Variants in SLC14A2 observed in about 807,000 individuals in gnomAD.
SLC14A2 encodes solute carrier family 14 member 2.
Under a neutral mutation model 104.6 loss-of-function variants are expected in SLC14A2, and 91 were observed. That is an observed-to-expected ratio of 0.87 (90% confidence interval 0.73 to 1.04). The LOEUF is 1.04. Ranked by LOEUF, SLC14A2 falls within the 50% of genes least tolerant of loss-of-function variation. The pLI is 0.00. For synonymous variants in SLC14A2, 476 were observed against 466.4 expected (o/e 1.02, Z -0.27); for missense variants, 1,189 against 1,156.0 (o/e 1.03, Z -0.41).
chr18:45,498,978 C>T (rs1197495156), intron 2 of SLC14A2, among the ~76,000 whole-genome samples: 1 of 152,228 alleles, frequency 6.6e-6, no homozygotes, highest in East Asian at 1.9e-4. Flanking sequence ...AGTTTTGTCA[C>T]TGTAACCATT....
chr18:45,603,164 A>G (rs1333520058), intron 2 of SLC14A2, among the ~76,000 whole-genome samples: 1 of 152,178 alleles, frequency 6.6e-6, no homozygotes, highest in Non-Finnish European at 1.5e-5. Context: ...CAAAGATTCC[A>G]TCAGAATGAC....
At chr18:45,624,563 C>A in intron 1 of SLC14A2, 68 bp from the exon 2 acceptor site, 2 of 1,244,876 alleles carry the variant, frequency 1.6e-6, no homozygotes, top group Admixed American at 2.2e-5. Context: ...AGGTCTGAGT[C>A]CAGCCTCAGC....
At chr18:45,467,322 C>T (rs1174488549) in intron 1 of SLC14A2, among the ~76,000 whole-genome samples, 1 of 152,230 alleles carries the variant, frequency 6.6e-6, no homozygotes, top group Non-Finnish European at 1.5e-5. Context: ...ACCCATCCCT[C>T]AATCCCCATT....
At chr18:45,540,631 G>A (rs2043871154) in intron 2 of SLC14A2, among the ~76,000 whole-genome samples, 1 of 152,096 alleles carries the variant, frequency 6.6e-6, no homozygotes, top group South Asian at 2.1e-4. Flanking sequence ...TATAATCCCA[G>A]CTACTCAGGA....
intron 1 of SLC14A2, among the ~76,000 whole-genome samples, chr18:45,471,034 C>G (rs879117397): frequency 6.6e-6 from 1 of 151,912 alleles, no homozygotes; most frequent in African/African-American, 2.4e-5. Flanking sequence ...CAACCCACCA[C>G]CAGTTCTTCT....
intron 10 of SLC14A2, among the ~76,000 whole-genome samples, chr18:45,649,413 A>T (rs898938540): frequency 6.6e-6 from 1 of 152,054 alleles, no homozygotes; most frequent in African/African-American, 2.4e-5. Flanking sequence ...ATCATTTTTA[A>T]TTCTTTCCCC....
chr18:45,245,022 A>T (rs768804656), intron 1 of SLC14A2, among the ~76,000 whole-genome samples: 1 of 152,196 alleles, frequency 6.6e-6, no homozygotes. Context: ...CTGGCTAAAT[A>T]CTTTATGCCA....
At chr18:45,276,368 C>G (rs1194168723) in intron 1 of SLC14A2, among the ~76,000 whole-genome samples, 4 of 152,102 alleles carry the variant, frequency 2.6e-5, no homozygotes, top group Non-Finnish European at 5.9e-5. Flanking sequence ...GTAAAGGGGA[C>G]ATAGAAGAGG....
intron 1 of SLC14A2, among the ~76,000 whole-genome samples, chr18:45,400,535 C>T (rs755348183): frequency 6.6e-6 from 1 of 152,230 alleles, no homozygotes; most frequent in African/African-American, 2.4e-5. Flanking sequence ...ACTTTCTCCA[C>T]TTATATTAAA....
the SLC14A2 span, among the ~76,000 whole-genome samples, chr18:45,188,066 G>A: frequency 6.6e-6 from 1 of 152,064 alleles, no homozygotes; most frequent in Admixed American, 6.6e-5. Context: ...CGGTTGGGAG[G>A]GTGTAATTTA....
chr18:45,399,281 T>C (rs1163529510), intron 1 of SLC14A2, among the ~76,000 whole-genome samples: 1 of 152,188 alleles, frequency 6.6e-6, no homozygotes, highest in Non-Finnish European at 1.5e-5. Flanking sequence ...CCTTGGACTT[T>C]AGGCAACTGG....
At chr18:45,626,806 A>AACCCCCCC in intron 3 of SLC14A2, 152 bp from the exon 4 acceptor site, 1 of 374,234 alleles carries the variant, frequency 2.7e-6, no homozygotes, top group Non-Finnish European at 5.1e-6. Flanking sequence ...CCTCCCCTCT[A>AACCCCCCC]CCCCCACCCC....
chr18:45,661,795 T>A (rs2045939894), intron 10 of SLC14A2, among the ~76,000 whole-genome samples: 1 of 152,216 alleles, frequency 6.6e-6, no homozygotes, highest in South Asian at 2.1e-4. Flanking sequence ...GATGCAATGA[T>A]ACCCCTCATC....
chr18:45,655,413 C>G (rs574969100), intron 10 of SLC14A2, among the ~76,000 whole-genome samples: 3 of 152,334 alleles, frequency 2.0e-5, no homozygotes, highest in East Asian at 1.9e-4. Flanking sequence ...CGGCCTCTAC[C>G]TACTATCACC....
chr18:45,173,549 G>A, the SLC14A2 span, among the ~76,000 whole-genome samples: 1 of 151,934 alleles, frequency 6.6e-6, no homozygotes, highest in Non-Finnish European at 1.5e-5. Context: ...AAAATAACCC[G>A]AGAGAAGTCA....
chr18:45,179,227 CCAAA>C, the SLC14A2 span, among the ~76,000 whole-genome samples: 1 of 152,150 alleles, frequency 6.6e-6, no homozygotes, highest in East Asian at 1.9e-4. Flanking sequence ...TCATAGCACA[CCAAA>C]CAATCTATTT....
intron 1 of SLC14A2, among the ~76,000 whole-genome samples, chr18:45,298,977 T>TAAA: frequency 6.8e-6 from 1 of 146,778 alleles, no homozygotes; most frequent in Admixed American, 6.8e-5. Flanking sequence ...ATTTAACTGT[T>TAAA]AAAAAAAAAA....
At chr18:45,558,879 C>T (rs1250701527) in intron 2 of SLC14A2, among the ~76,000 whole-genome samples, 1 of 152,150 alleles carries the variant, frequency 6.6e-6, no homozygotes, top group Non-Finnish European at 1.5e-5. Flanking sequence ...CAATCTCCGC[C>T]TCCTGGGTTC....
Position 45,648,195 on chromosome 18 carries a change from C to CTTTTTTTTTTTTTT in SLC14A2, c.1351+4050_1351+4063dup, listed in dbSNP as rs59843067. On this transcript the variant is annotated intron_variant, in intron 10 of 19. Transcript: ENST00000255226. Reference sequence around the variant, plus strand: ...GTTACCCTCTTTATTCTAGTTAATGCTTTTTTTTTTTTTTTTTTTTTTTTT... The same window carrying CTTTTTTTTTTTTTT: ...GTTACCCTCTTTATTCTAGTTAATGCTTTTTTTTTTTTTTTTTTTTTTTTTTTTTTTTTTTTTTT... Among the ~76,000 whole-genome samples, 26 of 101,234 alleles carry CTTTTTTTTTTTTTT rather than the reference C, an allele frequency of 2.6e-4. 3 individuals carry two copies. The highest frequency in any genetic ancestry group is 9.6e-4 in the African/African-American group (25 of 25,940). 66.4% of individuals were successfully genotyped at this position (101,234 alleles called of 152,430 possible).
Sources: gnomAD v4.1 joint callset for allele counts (sites outside exome capture counted in the v4.1 genomes callset) on GRCh38, gnomAD v4.1.1 for gene constraint, MANE v1.5 for transcripts, NCBI Gene and HGNC (gene_info 2026-07-23, HGNC 2026-07-21) for gene names.